Variants in SNTB2 observed in about 807,000 individuals in gnomAD.
SNTB2 encodes beta-2-syntrophin.
SNTB2 carries 34 observed loss-of-function variants against 46.2 expected under a neutral mutation model. The ratio of observed to expected loss-of-function variants is 0.74; its 90% confidence interval spans 0.56 to 0.98. The LOEUF is 0.98. SNTB2 is among the 50% of genes least tolerant of loss of function. The probability of loss-of-function intolerance (pLI) is 0.00; values close to 1 mark genes in which losing one functional copy is unlikely to be tolerated. For missense variants in SNTB2, 603 were observed against 731.4 expected, an observed-to-expected ratio of 0.82 and a Z score of 2.02; for synonymous variants, 290 against 312.6, an observed-to-expected ratio of 0.93 and a Z score of 0.76.
chr16:69,219,664 C>A (rs1479089210), intron 1 of SNTB2, among the ~76,000 whole-genome samples: 1 of 152,084 alleles, frequency 6.6e-6, no homozygotes, highest in African/African-American at 2.4e-5. Flanking sequence ...TTGTAAATTT[C>A]TTCAATTATT....
At chr16:69,298,777 C>T (rs139435978) in intron 5 of SNTB2, among the ~76,000 whole-genome samples, 5,619 of 152,216 alleles carry the variant, frequency 0.037, 150 homozygotes, top group Non-Finnish European at 0.056. Flanking sequence ...CCACCTCGAC[C>T]TCCCAAAGTG....
chr16:69,302,582 G>A lies in SNTB2; in HGVS notation c.*1658G>A, dbSNP rs996442554. On this transcript the variant is annotated 3_prime_UTR_variant, in exon 7 of 7. Coordinates refer to ENST00000336278, the MANE Select transcript of SNTB2 (RefSeq NM_006750.4). ...GAGCTATTTGGTTTCAGTGCGGCCT[G>A]ACCGATGGGGAGGACCCATGAGCAG... 1.3e-5 allele frequency: 2 copies of A among 152,232 alleles called. No individual in the cohort carries two copies. The highest frequency in any genetic ancestry group is 2.9e-5 in the Non-Finnish European group (2 of 68,070). The allele number at this position is 152,232 out of a possible 1,614,324, so 9.4% of individuals were successfully genotyped here. A position where few individuals can be genotyped will look rare whatever the true frequency, so the allele number is the denominator to read the frequency against.
chr16:69,250,477 A>T (rs1048954012), intron 2 of SNTB2, among the ~76,000 whole-genome samples: 5 of 152,232 alleles, frequency 3.3e-5, no homozygotes. Flanking sequence ...TCAAGTTATT[A>T]TTATAGGCAT....
At chr16:69,291,113 G>A (rs1249340583) in intron 5 of SNTB2, among the ~76,000 whole-genome samples, 2 of 152,224 alleles carry the variant, frequency 1.3e-5, no homozygotes, top group Non-Finnish European at 2.9e-5. Context: ...TGATGAACCT[G>A]TTGCCTATAC....
intron 5 of SNTB2, among the ~76,000 whole-genome samples, chr16:69,284,667 G>A (rs1294948021): frequency 6.6e-6 from 1 of 151,978 alleles, no homozygotes; most frequent in Non-Finnish European, 1.5e-5. Context: ...CCAGCTGTTC[G>A]GGAGGCTGAG....
chr16:69,193,217 C>G (rs748488450), intron 1 of SNTB2, among the ~76,000 whole-genome samples: 12 of 149,718 alleles, frequency 8.0e-5, no homozygotes, highest in Non-Finnish European at 1.3e-4. Context: ...CTAGTGAGAC[C>G]CCATCTGTAT....
chr16:69,284,204 T>A lies in SNTB2; in HGVS notation c.1305T>A (p.Gly435=). Residue 435 remains glycine (G), a synonymous_variant, in exon 5 of 7, where the codon GGT becomes GGA. Coordinates refer to ENST00000336278, the MANE Select transcript of SNTB2 (RefSeq NM_006750.4). ...LSSWTRILVQ[G]CHAAAELIKE... is the part of the protein sequence containing the mutation. ...CCTGGACCAGGATACTTGTTCAGGG[T>A]TGCCATGCTGCTGCTGAGCTGATCA... 6.2e-7 allele frequency: 1 copy of A among 1,613,746 alleles called. No individual in the cohort carries two copies. Among genetic ancestry groups the A allele is most frequent in the Non-Finnish European group, 8.5e-7 (1 of 1,179,914 alleles).
Position 69,232,362 on chromosome 16 carries a change from C to T in SNTB2, c.581-13240C>T, listed in dbSNP as rs535980358. Among the ~76,000 whole-genome samples, 3 of 151,212 alleles carry T rather than the reference C, an allele frequency of 2.0e-5. No individual in the cohort carries two copies. The East Asian group carries it at 5.8e-4, about 29-fold the overall frequency. ...GTGGGACTACAGGTGCCTGCCACCA[C>T]GCCCGGCTAATTTTTTGTATTTTTA... On this transcript the variant is annotated intron_variant, in intron 1 of 6. Transcript: ENST00000336278.
In SNTB2 at chr16:69,187,422, A is replaced by G. The variant is rs2152287601; in HGVS notation, c.256A>G (p.Ser86Gly). The G allele has an allele frequency of 1.7e-6, 2 of 1,207,994 alleles. No individual in the cohort carries two copies. Among genetic ancestry groups the G allele is most frequent in the East Asian group, 3.5e-5 (1 of 28,812 alleles). The allele number at this position is 1,207,994 out of a possible 1,614,324, so 74.8% of individuals were successfully genotyped here. Residue 86 changes from serine (S) to glycine (G), a missense_variant, in exon 1 of 7, where the codon AGC becomes GGC. Ser to Gly is a moderately conservative substitution (Grantham distance 56). This residue lies in a region of SNTB2 where 537 missense variants were observed against 692.4 expected (regional missense o/e 0.78). Transcript: ENST00000336278. ...CGGCGCGGGCGACTCGCTGCCCGGG[A>G]GCCCAAGCCGCGGCCTGGGGCCCCC... ...GGGAGDSLPG[S>G]PSRGLGPPSP...
chr16:69,220,280 G>T (rs12923274), intron 1 of SNTB2, among the ~76,000 whole-genome samples: 20,956 of 146,576 alleles, frequency 0.14, 1,574 homozygotes, highest in Middle Eastern at 0.24. Flanking sequence ...TCCTGCCTCA[G>T]CCTCCCGAGT....
intron 5 of SNTB2, among the ~76,000 whole-genome samples, chr16:69,295,799 TC>T (rs1182626060): frequency 2.0e-5 from 3 of 152,024 alleles, no homozygotes; most frequent in Non-Finnish European, 4.4e-5. Flanking sequence ...AAGGCTTATT[TC>T]CCCTATCTCC....
intron 6 of SNTB2, among the ~76,000 whole-genome samples, chr16:69,300,178 G>A (rs1319334319): frequency 2.0e-5 from 3 of 152,122 alleles, no homozygotes; most frequent in Non-Finnish European, 4.4e-5. Context: ...GATTACAGGT[G>A]TGAGCCACTG....
intron 5 of SNTB2, among the ~76,000 whole-genome samples, chr16:69,286,689 A>G (rs1431721382): frequency 1.3e-5 from 2 of 151,704 alleles, no homozygotes; most frequent in South Asian, 2.1e-4. Context: ...CTGTCTCAAA[A>G]TAAATAAATA....
At chr16:69,201,567 C>G (rs1054628985) in intron 1 of SNTB2, among the ~76,000 whole-genome samples, 3 of 152,030 alleles carry the variant, frequency 2.0e-5, no homozygotes, top group Admixed American at 1.3e-4. Flanking sequence ...GGGTGGGTAA[C>G]GTTGCTAAAT....
intron 5 of SNTB2, among the ~76,000 whole-genome samples, chr16:69,287,360 A>C (rs903654113): frequency 6.6e-6 from 1 of 152,150 alleles, no homozygotes; most frequent in Non-Finnish European, 1.5e-5. Context: ...ACTTGAGGTC[A>C]GGAGTTCCAA....
chr16:69,207,911 C>T (rs149722715), intron 1 of SNTB2, among the ~76,000 whole-genome samples: 3,483 of 150,378 alleles, frequency 0.023, 138 homozygotes, highest in African/African-American at 0.08. Context: ...AGTTCGAGAC[C>T]AGCCTGGCCA....
At chr16:69,212,048 A>G (rs577671813) in intron 1 of SNTB2, among the ~76,000 whole-genome samples, 12 of 152,284 alleles carry the variant, frequency 7.9e-5, no homozygotes, top group African/African-American at 2.6e-4. Flanking sequence ...TTAACTGACT[A>G]TCAACAACCT....
At chr16:69,198,518 T>C (rs530535331) in intron 1 of SNTB2, among the ~76,000 whole-genome samples, 1 of 152,328 alleles carries the variant, frequency 6.6e-6, no homozygotes, top group African/African-American at 2.4e-5. Flanking sequence ...TAGTCCATTC[T>C]TATTCCTCTA....
chr16:69,287,865 T>A (rs4632122), intron 5 of SNTB2, among the ~76,000 whole-genome samples: 8,244 of 148,964 alleles, frequency 0.055, 629 homozygotes, highest in African/African-American at 0.17. Flanking sequence ...TCTCAAAAAA[T>A]ATATATATAT....
Sources: gnomAD v4.1 joint callset for allele counts (sites outside exome capture counted in the v4.1 genomes callset) on GRCh38, gnomAD v4.1.1 for gene constraint, gnomAD v4.1.1 regional missense constraint, MANE v1.5 for transcripts, NCBI Gene and HGNC (gene_info 2026-07-23, HGNC 2026-07-21) for gene names.